Variants in UBAP2 observed in about 807,000 individuals in gnomAD.
UBAP2 encodes ubiquitin associated protein 2, also known as ubiquitin-associated protein 2.
In UBAP2, 75 loss-of-function variants were observed where a neutral mutation model predicts 139.6. The observed-to-expected ratio is 0.54, with a 90% confidence interval of 0.45 to 0.65. The LOEUF is 0.65. UBAP2 is among the 30% of genes least tolerant of loss of function. The pLI is 0.00. For synonymous variants in UBAP2, 526 were observed against 526.2 expected (o/e 1.00, Z 0.01); for missense variants, 1,368 against 1,369.6 (o/e 1.00, Z 0.02).
chr9:33,989,673 T>C (rs941810708), intron 4 of UBAP2, among the ~76,000 whole-genome samples: 1 of 152,172 alleles, frequency 6.6e-6, no homozygotes, highest in African/African-American at 2.4e-5. Flanking sequence ...TACTGTACAT[T>C]TTCCCAACAT....
chr9:33,927,746 G>T, intron 20 of UBAP2, 51 bp downstream of exon 20: 1 of 1,532,456 alleles, frequency 6.5e-7, no homozygotes. Context: ...CGCCAAGCAG[G>T]CACCTTTGAG....
In UBAP2 at chr9:33,922,295, C is replaced by G. The variant is rs529175506; in HGVS notation, c.*209G>C. On this transcript the variant is annotated 3_prime_UTR_variant, in exon 29 of 29. Transcript: ENST00000379238. Reference sequence around the variant, plus strand: ...CTGGCTAACATCTGCCGCCATCCCCCAACTCCCCCCCAGACTTCTATCACA... The same window carrying G: ...CTGGCTAACATCTGCCGCCATCCCCGAACTCCCCCCCAGACTTCTATCACA... 7.8e-5 allele frequency: 45 copies of G among 575,008 alleles called. No homozygotes were observed. In the African/African-American group the frequency reaches 8.1e-4, roughly 10 times the overall value. 35.6% of individuals were successfully genotyped at this position (575,008 alleles called of 1,614,324 possible). A position where few individuals can be genotyped will look rare whatever the true frequency, so the allele number is the denominator to read the frequency against.
chr9:33,967,562 T>C (rs1280986254), intron 8 of UBAP2, among the ~76,000 whole-genome samples: 2 of 152,218 alleles, frequency 1.3e-5, no homozygotes, highest in Non-Finnish European at 2.9e-5. Context: ...GATCTTATTG[T>C]TCAGGAAACA....
At chr9:34,013,972 T>G (rs1455746999) in intron 2 of UBAP2, among the ~76,000 whole-genome samples, 1 of 151,844 alleles carries the variant, frequency 6.6e-6, no homozygotes, top group African/African-American at 2.4e-5. Context: ...CAGAATAGGA[T>G]TAATGAATAA....
intron 6 of UBAP2, among the ~76,000 whole-genome samples, chr9:33,981,264 G>GATAT (rs1212143318): frequency 1.4e-5 from 1 of 70,660 alleles, no homozygotes; most frequent in Non-Finnish European, 2.6e-5. Flanking sequence ...ATATATTCTG[G>GATAT]ATATATATAT....
At chr9:33,989,697 A>G (rs1001839312) in intron 4 of UBAP2, among the ~76,000 whole-genome samples, 3 of 152,264 alleles carry the variant, frequency 2.0e-5, no homozygotes, top group African/African-American at 7.2e-5. Context: ...GCCCTTTCCT[A>G]TGCAAATTTA....
chr9:33,936,984 A>G (rs1225545487), intron 16 of UBAP2, among the ~76,000 whole-genome samples: 1 of 150,420 alleles, frequency 6.6e-6, no homozygotes, highest in Non-Finnish European at 1.5e-5. Context: ...AATTGAAGGA[A>G]TTGAATTTAC....
At chr9:33,961,162 T>C (rs1292576467) in intron 9 of UBAP2, among the ~76,000 whole-genome samples, 2 of 152,212 alleles carry the variant, frequency 1.3e-5, no homozygotes, top group Non-Finnish European at 1.5e-5. Context: ...TTTGCTTCAA[T>C]ATAGGTCACA....
At chr9:34,026,361 G>T (rs1363349285) in intron 1 of UBAP2, among the ~76,000 whole-genome samples, 1 of 151,016 alleles carries the variant, frequency 6.6e-6, no homozygotes, top group Non-Finnish European at 1.5e-5. Context: ...TTCAGGAACA[G>T]AAAAACTAAT....
chr9:33,939,732 A>G lies in UBAP2; in HGVS notation c.1929+1917T>C, dbSNP rs184327497. Among the ~76,000 whole-genome samples the G allele has an allele frequency of 5.2e-3, 538 of 103,548 alleles. 5 individuals are homozygous for G. The highest frequency in any genetic ancestry group is 7.9e-3 in the Non-Finnish European group (415 of 52,224). The allele number at this position is 103,548 out of a possible 152,430, so 67.9% of individuals were successfully genotyped here. On this transcript the variant is annotated intron_variant, in intron 16 of 28. Coordinates refer to ENST00000379238, the MANE Select transcript of UBAP2 (RefSeq NM_001370062.2). Reference sequence around the variant, plus strand: ...ACCCTGTATCAAAATGAAGAAGAGAAGGAGAGGGAGGGAGAAGGGGGGGAG... The same window carrying G: ...ACCCTGTATCAAAATGAAGAAGAGAGGGAGAGGGAGGGAGAAGGGGGGGAG...
Position 33,973,177 on chromosome 9 carries a change from A to C in UBAP2, c.575+6T>G, listed in dbSNP as rs749412144. ...TAATTATAAAAATAGGATGGCTATC[A>C]CTTACCCCATGCCTTGGGTTGAGAA... On this transcript the variant is annotated splice_donor_region_variant and intron_variant, in intron 7 of 28. Transcript: ENST00000379238. 1.1e-5 allele frequency: 18 copies of C among 1,613,738 alleles called. No individual in the cohort carries two copies. Among genetic ancestry groups the C allele is most frequent in the Non-Finnish European group, 1.5e-5 (18 of 1,179,670 alleles).
At chr9:33,998,747 T>C (rs1190251153) in intron 3 of UBAP2, 40 bp downstream of exon 3, 46 of 1,557,390 alleles carry the variant, frequency 3.0e-5, no homozygotes, top group Non-Finnish European at 3.7e-5. Context: ...ACAATCAAAA[T>C]AGATTATAAA....
At chr9:33,930,805 AG>A (rs1823907009) in intron 19 of UBAP2, among the ~76,000 whole-genome samples, 1 of 146,364 alleles carries the variant, frequency 6.8e-6, no homozygotes, top group African/African-American at 2.5e-5. Context: ...CTGAGGCAGG[AG>A]GATCGCTTGA....
At position 33,996,328 on chromosome 9, in the gene UBAP2, C is replaced by T; in HGVS notation, c.183G>A (p.Met61Ile). The T allele has an allele frequency of 6.2e-7, 1 of 1,611,892 alleles. No individual in the cohort carries two copies. The highest frequency in any genetic ancestry group is 2.2e-5 in the East Asian group (1 of 44,828). The stretch of plus-strand genomic sequence containing the variant: ...CATCCTGATTTTTCCCTGTCACTTC[C>T]ATAAGCTAGTGAACATATCAGAAAA... ...SDFEAKVKQL[M>I]EVTGKNQDEC... The change falls in exon 4 of 29, where the codon ATG (methionine) becomes ATA (isoleucine). Residue 61 changes from methionine (M) to isoleucine (I), a missense_variant. By Grantham distance (10) the Met-to-Ile change is conservative (BLOSUM62 1). Transcript: ENST00000379238.
chr9:34,016,912 A>C, intron 2 of UBAP2, 138 bp downstream of exon 2: 1 of 653,636 alleles, frequency 1.5e-6, no homozygotes, highest in Non-Finnish European at 2.5e-6. Flanking sequence ...TACAAAGGAA[A>C]ACATTAAATC....
chr9:33,957,020 T>C (rs1826623972), intron 10 of UBAP2, among the ~76,000 whole-genome samples: 1 of 151,094 alleles, frequency 6.6e-6, no homozygotes, highest in South Asian at 2.1e-4. Flanking sequence ...AGTCCAGAGG[T>C]TGAGGCTGCC....
intron 1 of UBAP2, among the ~76,000 whole-genome samples, 151 bp from the exon 2 acceptor site, chr9:34,017,340 G>GT (rs2131280037): frequency 6.6e-6 from 1 of 152,296 alleles, no homozygotes; most frequent in African/African-American, 2.4e-5. Context: ...CATTTTGCTG[G>GT]TATCTGTTAA....
intron 1 of UBAP2, among the ~76,000 whole-genome samples, chr9:34,045,435 T>C (rs182365603): frequency 6.6e-6 from 1 of 151,950 alleles, no homozygotes; most frequent in Non-Finnish European, 1.5e-5. Flanking sequence ...TGAAGTCCAA[T>C]GGCACATGGC....
chr9:33,956,477 C>T (rs1014727121), intron 10 of UBAP2, among the ~76,000 whole-genome samples: 9 of 151,918 alleles, frequency 5.9e-5, no homozygotes, highest in East Asian at 3.9e-4. Flanking sequence ...CACCAGCATG[C>T]GCCACCACAC....
Sources: allele counts gnomAD v4.1 joint callset (sites outside exome capture counted in the v4.1 genomes callset), GRCh38; gene constraint gnomAD v4.1.1; transcripts MANE v1.5; gene names NCBI Gene and HGNC (gene_info 2026-07-23, HGNC 2026-07-21).